Variants in TARBP1 observed in about 807,000 individuals in gnomAD.
The protein encoded by TARBP1 is tRNA (guanosine(18)-2'-O)-methyltransferase TARBP1.
Under a neutral mutation model 178.6 loss-of-function variants are expected in TARBP1, and 144 were observed. The observed-to-expected ratio is 0.81, with a 90% CI of 0.70 to 0.93. The LOEUF (loss-of-function observed/expected upper bound fraction) is 0.93, where lower values mean the gene tolerates loss of function less well. Ranked by LOEUF, TARBP1 falls within the 40% of genes least tolerant of loss-of-function variation. The pLI, the probability that TARBP1 is intolerant of heterozygous loss-of-function variation, is 0.00. For synonymous variants in TARBP1, 787 were observed against 781.0 expected (o/e 1.01, Z -0.13); for missense variants, 2,067 against 2,011.7 (o/e 1.03, Z -0.53).
At chr1:234,433,133 G>A (rs1664642565) in intron 14 of TARBP1, among the ~76,000 whole-genome samples, 1 of 152,118 alleles carries the variant, frequency 6.6e-6, no homozygotes, top group African/African-American at 2.4e-5. Context: ...AGCTACTCAG[G>A]AGGCTGAGGC....
Position 234,446,864 on chromosome 1 carries a change from G to A in TARBP1, c.2073C>T (p.Cys691=). 1 of 1,613,992 alleles carries A rather than the reference G, an allele frequency of 6.2e-7. No homozygotes were observed. Among genetic ancestry groups the A allele is most frequent in the Non-Finnish European group, 8.5e-7 (1 of 1,179,966 alleles). Residue 691 remains cysteine, a synonymous_variant, in exon 12 of 30, where the codon TGC becomes TGT. Coordinates refer to ENST00000040877, the MANE Select transcript of TARBP1 (RefSeq NM_005646.4). ...TCAACAGCTTCAACAGCAGCTGGAGGCATCTGTCAGTCTTCAGCAAGGGCA... is the reference window on the plus strand; with the variant it reads ...TCAACAGCTTCAACAGCAGCTGGAGACATCTGTCAGTCTTCAGCAAGGGCA... ...AYMPLLKTDR[C]LQLLLKLLNT...
intron 21 of TARBP1, among the ~76,000 whole-genome samples, chr1:234,418,864 T>C (rs1206762386): frequency 2.0e-5 from 3 of 152,218 alleles, no homozygotes; most frequent in Admixed American, 6.5e-5. Context: ...TATCTACTTA[T>C]ATAAGCATAT....
intron 13 of TARBP1, among the ~76,000 whole-genome samples, chr1:234,435,229 C>A (rs1370061812): frequency 2.0e-5 from 3 of 152,182 alleles, no homozygotes; most frequent in African/African-American, 7.2e-5. Flanking sequence ...GCAGGCAGAT[C>A]ACCTGAGGTC....
In TARBP1 at chr1:234,448,484, A is replaced by T. The variant is rs756649051; in HGVS notation, c.1957T>A (p.Tyr653Asn). Residue 653 changes from tyrosine (Y) to asparagine (N), a missense_variant, in exon 11 of 30, where the codon TAT becomes AAT. By Grantham distance (143) the Tyr-to-Asn change is moderately radical. Transcript: ENST00000040877. ...TTCAATTACAGAAACAATTACCTATACTGAGTCTTCATTCCTTCCACATCC... is the reference window on the plus strand; with the variant it reads ...TTCAATTACAGAAACAATTACCTATTCTGAGTCTTCATTCCTTCCACATCC... ...AVDVEGMKTQ[Y>N]SGKQRTENVL... The T allele has an allele frequency of 1.9e-6, 3 of 1,613,030 alleles. No individual in the cohort carries two copies. In the African/African-American group the frequency reaches 4.0e-5, roughly 22 times the overall value.
intron 12 of TARBP1, 77 bp downstream of exon 12, chr1:234,446,726 A>T: frequency 1.7e-6 from 2 of 1,185,406 alleles, no homozygotes; most frequent in Non-Finnish European, 2.2e-6. Context: ...TTTTAAAAAG[A>T]CGGAAGTTTC....
rs532034514 is a variant in TARBP1 at position 234,449,960 on chromosome 1, AAACT to A, written c.1861+464_1861+467del. 2.8e-4 allele frequency among the ~76,000 whole-genome samples: 42 copies of A among 152,362 alleles called. No homozygotes were observed. In the South Asian group the frequency reaches 5.8e-3, roughly 21 times the overall value. ...TGTTGCAAAGTATCTGCTGAAAAAGAAACTAACAAAACTATCCTTTTAAACACAG... is the reference window on the plus strand; with the variant it reads ...TGTTGCAAAGTATCTGCTGAAAAAGAAACAAAACTATCCTTTTAAACACAG... On this transcript the variant is annotated intron_variant, in intron 10 of 29. Transcript: ENST00000040877.
At chr1:234,461,126 C>T (rs910791434) in intron 6 of TARBP1, among the ~76,000 whole-genome samples, 1 of 152,128 alleles carries the variant, frequency 6.6e-6, no homozygotes, top group African/African-American at 2.4e-5. Flanking sequence ...AACAGCTGTA[C>T]AACTTTGTGA....
Position 234,448,572 on chromosome 1 carries a change from T to G in TARBP1, c.1869A>C (p.Glu623Asp). The change falls in exon 11 of 30, where the codon GAA becomes GAC. Residue 623 changes from glutamate to aspartate, a missense_variant. Glu to Asp is a conservative substitution (Grantham distance 45). Coordinates refer to ENST00000040877, the MANE Select transcript of TARBP1 (RefSeq NM_005646.4). ...YVKSSAWETG[E>D]NCFMPDWFEA... ...CAAACCAATCAGGCATAAAGCAGTT[T>G]TCTCCTGCTTAAATAACAACAGTTA... 6.2e-7 allele frequency: 1 copy of G among 1,613,712 alleles called. No individual in the cohort carries two copies.
chr1:234,438,783 C>A (rs1439813237), intron 12 of TARBP1, among the ~76,000 whole-genome samples: 4 of 152,236 alleles, frequency 2.6e-5, no homozygotes, highest in Admixed American at 6.5e-5. Flanking sequence ...CCTACAGATT[C>A]AAGAAGTTTC....
At chr1:234,403,726 G>A (rs1180695319) in intron 24 of TARBP1, among the ~76,000 whole-genome samples, 7 of 152,058 alleles carry the variant, frequency 4.6e-5, no homozygotes, top group African/African-American at 4.8e-5. Flanking sequence ...CTCTGTTGCC[G>A]AGGCTGGAGT....
At chr1:234,416,292 G>C (rs1662408843) in intron 22 of TARBP1, among the ~76,000 whole-genome samples, 1 of 152,176 alleles carries the variant, frequency 6.6e-6, no homozygotes, top group Non-Finnish European at 1.5e-5. Context: ...AGCCAGAGGA[G>C]CCTGGAAAGA....
chr1:234,430,146 C>T lies in TARBP1; in HGVS notation c.2550G>A (p.Thr850=), dbSNP rs143020661. ...SFLSSLQLNQ[T]LQKPHAEEQS... is the part of the protein sequence containing the mutation. Reference sequence around the variant, plus strand: ...GCTCCTCTGCGTGGGGCTTCTGCAGCGTCTGATTGAGCTGAAGAGAGGAAA... The same window carrying T: ...GCTCCTCTGCGTGGGGCTTCTGCAGTGTCTGATTGAGCTGAAGAGAGGAAA... Residue 850 remains threonine (T), a synonymous_variant, in exon 15 of 30, where the codon ACG becomes ACA. Coordinates refer to ENST00000040877, the MANE Select transcript of TARBP1 (RefSeq NM_005646.4). 5 of 1,614,016 alleles carry T rather than the reference C, an allele frequency of 3.1e-6. No homozygotes were observed. Among genetic ancestry groups the T allele is most frequent in the East Asian group, 2.2e-5 (1 of 44,888 alleles).
At chr1:234,416,295 T>C (rs955664846) in intron 22 of TARBP1, among the ~76,000 whole-genome samples, 4 of 152,134 alleles carry the variant, frequency 2.6e-5, no homozygotes, top group South Asian at 4.1e-4. Flanking sequence ...CAGAGGAGCC[T>C]GGAAAGAGAT....
intron 1 of TARBP1, among the ~76,000 whole-genome samples, chr1:234,477,946 C>T (rs1403930215): frequency 1.3e-5 from 2 of 152,204 alleles, no homozygotes; most frequent in African/African-American, 4.8e-5. Context: ...CTGTATTCCA[C>T]CGGCTCTGGG....
chr1:234,441,830 T>C (rs1665628389), intron 12 of TARBP1, among the ~76,000 whole-genome samples: 1 of 152,216 alleles, frequency 6.6e-6, no homozygotes, highest in Admixed American at 6.5e-5. Context: ...TGATCACCTT[T>C]CCCTTAAGAT....
intron 14 of TARBP1, among the ~76,000 whole-genome samples, chr1:234,432,130 G>A (rs1390482390): frequency 6.1e-5 from 7 of 114,510 alleles, no homozygotes; most frequent in African/African-American, 1.8e-4. Context: ...GCGAAACTCC[G>A]TCTCCAAAAA....
At chr1:234,474,272 ACACACACAC>A (rs1558264779) in intron 1 of TARBP1, among the ~76,000 whole-genome samples, 2,229 of 150,726 alleles carry the variant, frequency 0.015, 62 homozygotes, top group African/African-American at 0.049. Context: ...ACACACACAC[ACACACACAC>A]ACACACAAAG....
chr1:234,391,807 T>G, intron 29 of TARBP1, 62 bp from the exon 30 acceptor site: 1 of 1,500,896 alleles, frequency 6.7e-7, no homozygotes, highest in Non-Finnish European at 9.0e-7. Flanking sequence ...CTCTTTGATA[T>G]TCTTTTTATT....
chr1:234,450,581 A>G lies in TARBP1; in HGVS notation c.1723-15T>C. The G allele has an allele frequency of 6.2e-7, 1 of 1,603,076 alleles. No homozygotes were observed. Among genetic ancestry groups the G allele is most frequent in the Non-Finnish European group, 8.5e-7 (1 of 1,177,020 alleles). On this transcript the variant is annotated splice_polypyrimidine_tract_variant and intron_variant, in intron 9 of 29. Coordinates refer to ENST00000040877, the MANE Select transcript of TARBP1 (RefSeq NM_005646.4). ...CAGTCACACAGCTGGAAAAGAAAAC[A>G]GTTATTACTTTATTTTAAAAACCTA... is the stretch of plus-strand genomic sequence containing the variant.
Sources: gnomAD v4.1 joint callset for allele counts (sites outside exome capture counted in the v4.1 genomes callset) on GRCh38, gnomAD v4.1.1 for gene constraint, MANE v1.5 for transcripts, NCBI Gene and HGNC (gene_info 2026-07-23, HGNC 2026-07-21) for gene names.